The following KIAA0825 variants were observed in gnomAD, a reference collection of about 807,000 sequenced individuals.
The protein encoded by KIAA0825 is KIAA0825.
In KIAA0825, 119 loss-of-function variants were observed where a neutral mutation model predicts 147.6. That is an observed-to-expected ratio of 0.81 (90% CI 0.69 to 0.94). KIAA0825 has a LOEUF of 0.94. Ranked by LOEUF, KIAA0825 falls within the 40% of genes least tolerant of loss-of-function variation. KIAA0825 has a pLI of 0.00. For synonymous variants in KIAA0825, 470 were observed against 518.1 expected (o/e 0.91, Z 1.26); for missense variants, 1,381 against 1,472.7 (o/e 0.94, Z 1.02).
intron 20 of KIAA0825, among the ~76,000 whole-genome samples, chr5:94,315,191 G>A (rs1444837212): frequency 6.6e-6 from 1 of 151,546 alleles, no homozygotes; most frequent in Non-Finnish European, 1.5e-5. Flanking sequence ...TTCTAGGCCT[G>A]GCATGATGAC....
Position 94,471,541 on chromosome 5 carries a change from G to C in KIAA0825, c.1646C>G (p.Thr549Arg). The C allele has an allele frequency of 6.4e-7, 1 of 1,552,044 alleles. No homozygotes were observed. Among genetic ancestry groups the C allele is most frequent in the East Asian group, 2.4e-5 (1 of 40,920 alleles). Residue 549 changes from threonine to arginine, a missense_variant, in exon 9 of 21, where the codon ACA becomes AGA. Transcript: ENST00000682413. ...PSKAPLKNLH[T>R]YLSTAVYVFQ... ...GACATACACCGCTGTGGAGAGGTAT[G>C]TGTGCAAGTTTTTCAGGGGTGCTTT...
At position 94,237,622 on chromosome 5, in the gene KIAA0825, A is replaced by G. The variant is rs1326852448; in HGVS notation, c.3711-83498T>C. Among the ~76,000 whole-genome samples, 7 of 152,278 alleles carry G rather than the reference A, an allele frequency of 4.6e-5. No homozygotes were observed. The South Asian group carries it at 6.2e-4, about 14-fold the overall frequency. The stretch of plus-strand genomic sequence containing the variant: ...CTTGTATTATCCCACTTTAGTTGGT[A>G]GTATACATTTTTTACCACAGGCTCT... On this transcript the variant is annotated intron_variant, in intron 20 of 20. Transcript: ENST00000682413.
intron 20 of KIAA0825, among the ~76,000 whole-genome samples, chr5:94,156,499 T>C (rs922802739): frequency 1.3e-5 from 2 of 152,214 alleles, no homozygotes; most frequent in Non-Finnish European, 2.9e-5. Flanking sequence ...GTACGTGATA[T>C]GCACATAAAT....
intron 5 of KIAA0825, among the ~76,000 whole-genome samples, chr5:94,512,514 C>T (rs1179663430): frequency 5.3e-5 from 8 of 151,104 alleles, no homozygotes; most frequent in African/African-American, 2.0e-4. Flanking sequence ...GTAATCTTAG[C>T]ACTTTGGGAG....
At chr5:94,597,213 T>C (rs1785464965) in intron 1 of KIAA0825, among the ~76,000 whole-genome samples, 1 of 152,170 alleles carries the variant, frequency 6.6e-6, no homozygotes, top group Middle Eastern at 3.2e-3. Flanking sequence ...TGGCTGAGAA[T>C]ACACATTTTT....
chr5:94,573,952 T>TA (rs991922014), intron 2 of KIAA0825, among the ~76,000 whole-genome samples: 23 of 151,556 alleles, frequency 1.5e-4, no homozygotes, highest in South Asian at 6.3e-4. Flanking sequence ...TTGGGCAAGA[T>TA]AAAAAAAAAT....
In KIAA0825 at chr5:94,151,423, CAAAAAAA is replaced by C. The variant is rs11363132; in HGVS notation, c.*2577_*2583del. Among the ~76,000 whole-genome samples the C allele has an allele frequency of 2.3e-4, 5 of 21,548 alleles. No homozygotes were observed. Among genetic ancestry groups the C allele is most frequent in the South Asian group, 5.3e-3 (2 of 376 alleles). 14.1% of individuals were successfully genotyped at this position (21,548 alleles called of 152,430 possible). On this transcript the variant is annotated 3_prime_UTR_variant, in exon 21 of 21. Transcript: ENST00000682413. Reference sequence around the variant, plus strand: ...TGGGCGACAGAGCGAGACTCCGTCTCAAAAAAAAAAAAAAAAAAAAAAAAAAAACATA... The same window carrying C: ...TGGGCGACAGAGCGAGACTCCGTCTCAAAAAAAAAAAAAAAAAAAAACATA...
chr5:94,263,049 A>C (rs1302314246), intron 20 of KIAA0825, among the ~76,000 whole-genome samples: 1 of 152,154 alleles, frequency 6.6e-6, no homozygotes, highest in Non-Finnish European at 1.5e-5. Flanking sequence ...GGACAGAAAC[A>C]TTGCTGAGCT....
rs1355195847 is a variant in KIAA0825 at position 94,473,291 on chromosome 5, C to G, written c.1455+1G>C. ...AGTTTGAAAGGATTTCATATACTTG[C>G]TTTTCCAATTTTCTTTGGTTGTTCC... On this transcript the variant is annotated splice_donor_variant, in intron 8 of 20. Transcript: ENST00000682413. LOFTEE classifies it high-confidence loss of function. 2 of 1,551,074 alleles carry G rather than the reference C, an allele frequency of 1.3e-6. No homozygotes were observed. Among genetic ancestry groups the G allele is most frequent in the South Asian group, 2.4e-5 (2 of 83,992 alleles).
intron 1 of KIAA0825, among the ~76,000 whole-genome samples, chr5:94,584,230 AC>A: frequency 6.6e-6 from 1 of 152,230 alleles, no homozygotes; most frequent in South Asian, 2.1e-4. Flanking sequence ...GTTGGTAATA[AC>A]AAACTTCTCC....
intron 2 of KIAA0825, among the ~76,000 whole-genome samples, chr5:94,578,390 G>A (rs1372189765): frequency 6.6e-6 from 1 of 152,190 alleles, no homozygotes; most frequent in Non-Finnish European, 1.5e-5. Flanking sequence ...AATAGGAGGT[G>A]AGATTCAAAA....
chr5:94,575,216 C>T (rs1032914912), intron 2 of KIAA0825, among the ~76,000 whole-genome samples: 1 of 151,838 alleles, frequency 6.6e-6, no homozygotes, highest in African/African-American at 2.4e-5. Flanking sequence ...AGGCAGCACA[C>T]GACTAGTGTT....
At chr5:94,548,097 G>C (rs187278145) in intron 2 of KIAA0825, among the ~76,000 whole-genome samples, 2 of 152,220 alleles carry the variant, frequency 1.3e-5, no homozygotes, top group East Asian at 3.9e-4. Flanking sequence ...ACTGGTAATT[G>C]TAAGAACAAA....
chr5:94,566,641 T>C (rs1228212070), intron 2 of KIAA0825, among the ~76,000 whole-genome samples: 1 of 152,122 alleles, frequency 6.6e-6, no homozygotes, highest in African/African-American at 2.4e-5. Flanking sequence ...AAAATATGAC[T>C]ATTCTTTTTA....
intron 14 of KIAA0825, among the ~76,000 whole-genome samples, chr5:94,418,937 G>A (rs1053905320): frequency 6.6e-6 from 1 of 152,032 alleles, no homozygotes; most frequent in Non-Finnish European, 1.5e-5. Flanking sequence ...GAATTCAGTG[G>A]CATGATTATA....
intron 1 of KIAA0825, chr5:94,594,549 G>A (rs575315049): frequency 1.2e-5 from 9 of 743,192 alleles, no homozygotes; most frequent in African/African-American, 5.2e-5. Flanking sequence ...TACTGAAATA[G>A]TTGGATCAAG....
intron 1 of KIAA0825, among the ~76,000 whole-genome samples, chr5:94,607,035 G>A (rs1164794594): frequency 6.6e-6 from 1 of 152,116 alleles, no homozygotes; most frequent in Non-Finnish European, 1.5e-5. Context: ...CCTCCCAATA[G>A]GAGGGGACAA....
intron 13 of KIAA0825, among the ~76,000 whole-genome samples, chr5:94,446,479 G>A (rs1444456450): frequency 6.6e-6 from 1 of 152,132 alleles, no homozygotes; most frequent in African/African-American, 2.4e-5. Context: ...TTTGAGCTGA[G>A]AGATGAAGAT....
chr5:94,374,150 C>A (rs1747171812), intron 20 of KIAA0825, among the ~76,000 whole-genome samples: 1 of 151,974 alleles, frequency 6.6e-6, no homozygotes, highest in Non-Finnish European at 1.5e-5. Flanking sequence ...GTGCAAGAAC[C>A]CGAAAGTGCC....
Sources: allele counts gnomAD v4.1 joint callset (sites outside exome capture counted in the v4.1 genomes callset), GRCh38; gene constraint gnomAD v4.1.1; transcripts MANE v1.5; gene names NCBI Gene and HGNC (gene_info 2026-07-23, HGNC 2026-07-21).